Variants in CNTN4 observed in about 807,000 individuals in gnomAD.
CNTN4 encodes the protein contactin-4.
In CNTN4, 77 loss-of-function variants were observed where a neutral mutation model predicts 122.5. The ratio of observed to expected loss-of-function variants is 0.63; its 90% CI spans 0.52 to 0.76. The LOEUF is 0.76. Ranked by LOEUF, CNTN4 falls within the 30% of genes least tolerant of loss-of-function variation. The pLI, the probability that CNTN4 is intolerant of heterozygous loss-of-function variation, is 0.00. For missense variants in CNTN4, 1,256 were observed against 1,259.1 expected, an observed-to-expected ratio of 1.00 and a Z score of 0.04; for synonymous variants, 512 against 447.0, an observed-to-expected ratio of 1.15 and a Z score of -1.83.
chr3:2,219,080 G>A (rs920297269), intron 2 of CNTN4, among the ~76,000 whole-genome samples: 1 of 152,150 alleles, frequency 6.6e-6, no homozygotes, highest in South Asian at 2.1e-4. Context: ...ATATTTCCAT[G>A]AAGGCAGATT....
chr3:2,509,980 A>T (rs527807758), intron 3 of CNTN4, among the ~76,000 whole-genome samples: 91 of 152,316 alleles, frequency 6.0e-4, no homozygotes, highest in African/African-American at 1.9e-3. Context: ...TCAGGTAGAC[A>T]CAGTTTGTGT....
At chr3:2,580,574 G>C (rs2079890135) in intron 4 of CNTN4, among the ~76,000 whole-genome samples, 1 of 152,116 alleles carries the variant, frequency 6.6e-6, no homozygotes, top group African/African-American at 2.4e-5. Context: ...AACTCCCCTT[G>C]CTGATTTTAA....
intron 6 of CNTN4, among the ~76,000 whole-genome samples, chr3:2,788,827 T>A (rs2091918266): frequency 6.6e-6 from 1 of 152,192 alleles, no homozygotes; most frequent in African/African-American, 2.4e-5. Flanking sequence ...CAGGAGAGGA[T>A]AACCTCTGTA....
chr3:2,101,988 T>C (rs1173784518), intron 2 of CNTN4, among the ~76,000 whole-genome samples: 1 of 152,228 alleles, frequency 6.6e-6, no homozygotes, highest in Non-Finnish European at 1.5e-5. Context: ...CTATATCTTC[T>C]GTAACAAATA....
At chr3:2,451,727 T>C (rs1443959290) in intron 3 of CNTN4, among the ~76,000 whole-genome samples, 1 of 152,204 alleles carries the variant, frequency 6.6e-6, no homozygotes, top group Non-Finnish European at 1.5e-5. Context: ...GAAGTAAGTA[T>C]TCCATTTTCA....
chr3:2,323,872 G>A (rs1413976763), intron 2 of CNTN4, among the ~76,000 whole-genome samples: 1 of 152,160 alleles, frequency 6.6e-6, no homozygotes, highest in African/African-American at 2.4e-5. Flanking sequence ...ATGCTTGTGT[G>A]TTTTTGGAAA....
intron 4 of CNTN4, among the ~76,000 whole-genome samples, chr3:2,710,732 A>C (rs2087094310): frequency 6.6e-6 from 1 of 152,222 alleles, no homozygotes. Flanking sequence ...CCTCTGATGA[A>C]TAATTTCATA....
intron 3 of CNTN4, among the ~76,000 whole-genome samples, chr3:2,361,480 G>A (rs2045135818): frequency 6.6e-6 from 1 of 152,188 alleles, no homozygotes; most frequent in South Asian, 2.1e-4. Flanking sequence ...GGCCAAAGAT[G>A]TCAAGTGTCA....
chr3:2,561,210 G>C (rs1273223696), intron 3 of CNTN4, among the ~76,000 whole-genome samples: 2 of 152,112 alleles, frequency 1.3e-5, no homozygotes, highest in African/African-American at 4.8e-5. Context: ...AAAAATGCCT[G>C]TTGCTGTCTG....
intron 13 of CNTN4, among the ~76,000 whole-genome samples, chr3:2,967,662 A>C (rs1375366657): frequency 6.6e-6 from 1 of 152,128 alleles, no homozygotes; most frequent in Non-Finnish European, 1.5e-5. Context: ...CTCAGTTATA[A>C]TTTTGCAATG....
chr3:2,981,397 T>TCC (rs1559748891), intron 13 of CNTN4, among the ~76,000 whole-genome samples: 2 of 151,862 alleles, frequency 1.3e-5, no homozygotes, highest in East Asian at 1.9e-4. Context: ...TGAGCCGAGA[T>TCC]CGCAGCACTG....
intron 2 of CNTN4, among the ~76,000 whole-genome samples, chr3:2,184,856 A>C (rs1175035501): frequency 3.3e-5 from 5 of 152,194 alleles, no homozygotes; most frequent in African/African-American, 1.2e-4. Context: ...CAAATTACTC[A>C]GTCTGTGTTA....
intron 2 of CNTN4, among the ~76,000 whole-genome samples, chr3:2,124,449 C>CACAG (rs2034000620): frequency 6.7e-6 from 1 of 148,158 alleles, no homozygotes; most frequent in Non-Finnish European, 1.5e-5. Context: ...CACACACACA[C>CACAG]ACACACACAC....
chr3:2,955,870 C>T (rs1392056607), intron 13 of CNTN4, among the ~76,000 whole-genome samples: 1 of 152,144 alleles, frequency 6.6e-6, no homozygotes, highest in Non-Finnish European at 1.5e-5. Context: ...AATGATTCAG[C>T]ATCAACATCA....
rs191657097 is a variant in CNTN4 at position 2,105,437 on chromosome 3, A to C, written c.-145+4798A>C. ...TTTGTAAAGGAAAGAGGTTCAATTCACTCAGTTCCGCATGGCCTCAGGAAA... is the reference window on the plus strand; with the variant it reads ...TTTGTAAAGGAAAGAGGTTCAATTCCCTCAGTTCCGCATGGCCTCAGGAAA... On this transcript the variant is annotated intron_variant, in intron 2 of 24. Transcript: ENST00000418658. Among the ~76,000 whole-genome samples, 157 of 152,270 alleles carry C rather than the reference A, an allele frequency of 1.0e-3. 1 individual carries two copies. Among genetic ancestry groups the C allele is most frequent in the Admixed American group, 4.3e-3 (66 of 15,292 alleles).
chr3:2,392,504 TC>T (rs2046476693), intron 3 of CNTN4, among the ~76,000 whole-genome samples: 1 of 152,206 alleles, frequency 6.6e-6, no homozygotes, highest in Non-Finnish European at 1.5e-5. Context: ...TTCTTTTTTT[TC>T]ATTTTATTCT....
chr3:3,000,531 A>G, intron 14 of CNTN4, among the ~76,000 whole-genome samples: 1 of 152,220 alleles, frequency 6.6e-6, no homozygotes, highest in East Asian at 1.9e-4. Flanking sequence ...ATAAAAGGAA[A>G]ATTTTCAAAC....
intron 2 of CNTN4, among the ~76,000 whole-genome samples, chr3:2,213,936 T>C (rs1030912693): frequency 2.6e-5 from 4 of 152,156 alleles, no homozygotes; most frequent in East Asian, 1.9e-4. Context: ...ATAGCCCTTA[T>C]TGTGTTCAGA....
chr3:2,608,644 G>A (rs1343795048), intron 4 of CNTN4, among the ~76,000 whole-genome samples: 1 of 152,086 alleles, frequency 6.6e-6, no homozygotes, highest in African/African-American at 2.4e-5. Context: ...ACCATGCCTG[G>A]CTAATTTTTT....
Sources: allele counts gnomAD v4.1 joint callset (sites outside exome capture counted in the v4.1 genomes callset), GRCh38; gene constraint gnomAD v4.1.1; transcripts MANE v1.5; gene names NCBI Gene and HGNC (gene_info 2026-07-23, HGNC 2026-07-21).